The following LRRC69 variants were observed in gnomAD, a reference collection of about 807,000 sequenced individuals.
LRRC69 encodes leucine-rich repeat-containing protein 69.
Under a neutral mutation model 37.8 loss-of-function variants are expected in LRRC69, and 42 were observed. The observed-to-expected ratio is 1.11, with a 90% CI of 0.87 to 1.44. LRRC69 has a LOEUF of 1.44. LRRC69 is among the 40% of genes most tolerant of loss of function. The probability of loss-of-function intolerance (pLI) is 0.00; values close to 1 mark genes in which losing one functional copy is unlikely to be tolerated. For synonymous variants in LRRC69, 141 were observed against 143.1 expected, an observed-to-expected ratio of 0.99 and a Z score of 0.11; for missense variants, 357 against 401.9, an observed-to-expected ratio of 0.89 and a Z score of 0.96.
chr8:91,127,170 T>C lies in LRRC69; in HGVS notation c.383+10T>C. 1 of 1,545,734 alleles carries C rather than the reference T, an allele frequency of 6.5e-7. No homozygotes were observed. The highest frequency in any genetic ancestry group is 1.2e-5 in the South Asian group (1 of 83,696). ...CTCAAGAAGTCAGCAGGTAATTTTG[T>C]TTATAGCAAGACTTGGTTAACAATC... On this transcript the variant is annotated intron_variant, in intron 3 of 7. Transcript: ENST00000448384.
chr8:91,175,226 G>C (rs1315675145), intron 5 of LRRC69, among the ~76,000 whole-genome samples: 1 of 152,190 alleles, frequency 6.6e-6, no homozygotes, highest in East Asian at 1.9e-4. Flanking sequence ...GCAGAGCTCA[G>C]AGGTACTGGA....
At chr8:91,142,663 T>C (rs1040123462) in intron 5 of LRRC69, among the ~76,000 whole-genome samples, 3 of 152,004 alleles carry the variant, frequency 2.0e-5, no homozygotes, top group Non-Finnish European at 4.4e-5. Context: ...TTCTGTTATG[T>C]TCTTTGGTAA....
intron 7 of LRRC69, among the ~76,000 whole-genome samples, chr8:91,202,386 G>T (rs1809725396): frequency 6.6e-6 from 1 of 152,144 alleles, no homozygotes; most frequent in East Asian, 1.9e-4. Flanking sequence ...TGGATGTTAG[G>T]ACTTCAACAT....
At chr8:91,209,790 T>G (rs935724523) in intron 7 of LRRC69, among the ~76,000 whole-genome samples, 1 of 152,202 alleles carries the variant, frequency 6.6e-6, no homozygotes, top group African/African-American at 2.4e-5. Flanking sequence ...TCCATCATGT[T>G]AAGGGAATGA....
intron 1 of LRRC69, among the ~76,000 whole-genome samples, chr8:91,104,793 G>A (rs1439266480): frequency 6.6e-6 from 1 of 151,858 alleles, no homozygotes; most frequent in Admixed American, 6.6e-5. Flanking sequence ...TCCTAGTCTG[G>A]GTATGTGGTA....
rs60246431 is a variant in LRRC69, at chr8:91,190,268, G to GT, written c.753+658dup. On this transcript the variant is annotated intron_variant, in intron 6 of 7. Transcript: ENST00000448384. ...CCAGTCTTGTCCAGTGGCTTACTTT[G>GT]TTTTTTTTTTTTTAATTAAATTATT... Among the ~76,000 whole-genome samples the GT allele has an allele frequency of 7.7e-3, 1,062 of 137,702 alleles. 10 individuals are homozygous for GT. Among genetic ancestry groups the GT allele is most frequent in the African/African-American group, 0.023 (868 of 38,028 alleles). 90.3% of individuals were successfully genotyped at this position (137,702 alleles called of 152,430 possible).
chr8:91,157,849 A>G lies in LRRC69; in HGVS notation c.651+22110A>G, dbSNP rs184216240. On this transcript the variant is annotated intron_variant, in intron 5 of 7. Coordinates refer to ENST00000448384, the Ensembl canonical transcript of LRRC69. Reference sequence around the variant, plus strand: ...GGGAAAAGGAGCTGCATCATTTACAAGAGCAGAATGTTTCAAATGCATTTT... The same window carrying G: ...GGGAAAAGGAGCTGCATCATTTACAGGAGCAGAATGTTTCAAATGCATTTT... 3.7e-6 allele frequency: 6 copies of G among 1,605,452 alleles called. No individual in the cohort carries two copies. The African/African-American group carries it at 6.7e-5, about 18-fold the overall frequency.
chr8:91,148,337 G>T (rs1391361355), intron 5 of LRRC69, among the ~76,000 whole-genome samples: 2 of 151,074 alleles, frequency 1.3e-5, no homozygotes, highest in South Asian at 4.2e-4. Flanking sequence ...GCAGTGTTTG[G>T]TTTTTTGTCC....
intron 5 of LRRC69, among the ~76,000 whole-genome samples, chr8:91,149,198 A>T (rs1808681493): frequency 6.6e-6 from 1 of 151,890 alleles, no homozygotes; most frequent in South Asian, 2.1e-4. Context: ...GTTTTCTTCT[A>T]GGGTTTTTAT....
At chr8:91,151,591 C>T (rs1254064947) in intron 5 of LRRC69, among the ~76,000 whole-genome samples, 1 of 151,518 alleles carries the variant, frequency 6.6e-6, no homozygotes, top group Non-Finnish European at 1.5e-5. Context: ...GTGAATAGTG[C>T]TGCAGTAAGC....
At chr8:91,155,618 TTAAC>T (rs1808819563) in intron 5 of LRRC69, among the ~76,000 whole-genome samples, 1 of 150,784 alleles carries the variant, frequency 6.6e-6, no homozygotes, top group African/African-American at 2.4e-5. Context: ...TTTGTATTTG[TTAAC>T]TAACGTTTTC....
chr8:91,138,487 G>A (rs1488205385), intron 5 of LRRC69, among the ~76,000 whole-genome samples: 1 of 150,054 alleles, frequency 6.7e-6, no homozygotes, highest in Non-Finnish European at 1.5e-5. Flanking sequence ...AGAGTGTTTT[G>A]CTATTTTATG....
intron 5 of LRRC69, among the ~76,000 whole-genome samples, chr8:91,160,222 G>A (rs1409600069): frequency 6.7e-6 from 1 of 149,850 alleles, no homozygotes; most frequent in East Asian, 2.0e-4. Flanking sequence ...TTTTTGTTTG[G>A]TTGATTTTGT....
exon 2 of LRRC69, chr8:91,124,599 G>A: frequency 6.5e-7 from 1 of 1,539,672 alleles, no homozygotes; most frequent in Admixed American, 2.1e-5. Context: ...AGGATCTGTA[G>A]ATTTGCACCT....
chr8:91,200,467 C>T (rs1201784695), intron 6 of LRRC69, 146 bp from the exon 7 acceptor site: 1 of 517,446 alleles, frequency 1.9e-6, no homozygotes, highest in African/African-American at 2.0e-5. Flanking sequence ...TCATTTACAA[C>T]ACAATTCATT....
At chr8:91,202,329 A>G (rs151105237) in intron 7 of LRRC69, among the ~76,000 whole-genome samples, 4 of 152,370 alleles carry the variant, frequency 2.6e-5, no homozygotes, top group Non-Finnish European at 5.9e-5. Context: ...TAATTTGATC[A>G]TCTTGGTAAA....
rs982907348 is a variant in LRRC69, at chr8:91,124,985, T to C, written c.310+366T>C. On this transcript the variant is annotated intron_variant, in intron 2 of 7. Transcript: ENST00000448384. ...TTTGTTCTTTTCACTTTTTATTCTG[T>C]CTTAGATATTAAGTCACACTTTTTG... Among the ~76,000 whole-genome samples, 8 of 151,880 alleles carry C rather than the reference T, an allele frequency of 5.3e-5. No homozygotes were observed. In the East Asian group the frequency reaches 1.3e-3, roughly 26 times the overall value.
At position 91,194,204 on chromosome 8, in the gene LRRC69, A is replaced by T. The variant is rs866864619; in HGVS notation, c.753+4581A>T. Among the ~76,000 whole-genome samples, 1,364 of 141,702 alleles carry T rather than the reference A, an allele frequency of 9.6e-3. 19 individuals are homozygous for T. Among genetic ancestry groups the T allele is most frequent in the African/African-American group, 0.034 (1,264 of 36,852 alleles). 93.0% of individuals were successfully genotyped at this position (141,702 alleles called of 152,430 possible). On this transcript the variant is annotated intron_variant, in intron 6 of 7. Transcript: ENST00000448384. ...GCATCCCAGGGATGAAGCCCACTTG[A>T]TCATGGGGGATAAGCTTTTTGATGT...
intron 5 of LRRC69, among the ~76,000 whole-genome samples, chr8:91,187,313 T>C (rs1809422659): frequency 6.6e-6 from 1 of 152,238 alleles, no homozygotes; most frequent in Non-Finnish European, 1.5e-5. Flanking sequence ...GTCAAAGTCA[T>C]TGAGACTTCA....
Sources: gnomAD v4.1 joint callset for allele counts (sites outside exome capture counted in the v4.1 genomes callset) on GRCh38, gnomAD v4.1.1 for gene constraint, MANE v1.5 for transcripts, NCBI Gene and HGNC (gene_info 2026-07-23, HGNC 2026-07-21) for gene names.